The following FRYL variants were observed in gnomAD, a reference collection of about 807,000 sequenced individuals.
FRYL encodes the protein protein furry homolog-like.
Under a neutral mutation model 351.2 loss-of-function variants are expected in FRYL, and 150 were observed. The ratio of observed to expected loss-of-function variants is 0.43; its 90% CI spans 0.37 to 0.49. The LOEUF (loss-of-function observed/expected upper bound fraction) is 0.49, where lower values mean the gene tolerates loss of function less well. Among genes scored for constraint, FRYL ranks in the 20% least tolerant of loss-of-function variants. FRYL has a pLI of 0.00. For missense variants in FRYL, 3,036 were observed against 3,619.3 expected (o/e 0.84, Z 4.13); for synonymous variants, 1,153 against 1,257.1 (o/e 0.92, Z 1.75).
chr4:48,704,267 T>C (rs1448007193), intron 2 of FRYL, among the ~76,000 whole-genome samples: 3 of 151,484 alleles, frequency 2.0e-5, no homozygotes, highest in African/African-American at 7.3e-5. Flanking sequence ...AAATGGACAG[T>C]TGGAAAAAGA....
At chr4:48,755,318 C>A (rs1215538817) in intron 1 of FRYL, among the ~76,000 whole-genome samples, 1 of 152,114 alleles carries the variant, frequency 6.6e-6, no homozygotes, top group African/African-American at 2.4e-5. Context: ...CTAGAAAATT[C>A]ATTTCTTCCA....
At position 48,602,137 on chromosome 4, in the gene FRYL, A is replaced by G. The variant is rs1157069859; in HGVS notation, c.934-16T>C. The G allele has an allele frequency of 1.3e-5, 17 of 1,270,452 alleles. No homozygotes were observed. The highest frequency in any genetic ancestry group is 1.8e-5 in the Non-Finnish European group (16 of 874,290). 78.7% of individuals were successfully genotyped at this position (1,270,452 alleles called of 1,614,324 possible). On this transcript the variant is annotated splice_polypyrimidine_tract_variant and intron_variant, in intron 12 of 63. Coordinates refer to ENST00000358350, the MANE Select transcript of FRYL (RefSeq NM_015030.2). ...GATATAAAGCCTATAGGAGACGGGG[A>G]AAAGACAGAATTAACATTTTTCATC... is the stretch of plus-strand genomic sequence containing the variant.
intron 50 of FRYL, among the ~76,000 whole-genome samples, 171 bp from the exon 51 acceptor site, chr4:48,528,507 ATATT>A (rs1299552679): frequency 2.6e-5 from 4 of 152,142 alleles, no homozygotes; most frequent in African/African-American, 9.7e-5. Context: ...TGATATATAT[ATATT>A]TTTAATCAAG....
chr4:48,513,002 T>C (rs776773086), intron 56 of FRYL, among the ~76,000 whole-genome samples: 1 of 152,154 alleles, frequency 6.6e-6, no homozygotes, highest in Non-Finnish European at 1.5e-5. Context: ...AATGCTTTCA[T>C]TTTCAATGGT....
chr4:48,668,756 G>A (rs536648961), intron 3 of FRYL, among the ~76,000 whole-genome samples: 3 of 152,266 alleles, frequency 2.0e-5, no homozygotes, highest in South Asian at 2.1e-4. Flanking sequence ...TAACCCCAAC[G>A]ATAGTCATAC....
intron 3 of FRYL, among the ~76,000 whole-genome samples, chr4:48,656,069 TATA>T (rs1411215447): frequency 5.9e-5 from 8 of 135,170 alleles, no homozygotes; most frequent in African/African-American, 1.9e-4. Context: ...TTATACATTA[TATA>T]ATTATATATA....
intron 2 of FRYL, among the ~76,000 whole-genome samples, chr4:48,688,146 G>A (rs1447122049): frequency 6.6e-6 from 1 of 152,130 alleles, no homozygotes; most frequent in Admixed American, 6.5e-5. Context: ...ACTAAAGCTA[G>A]AAACCGCACT....
chr4:48,589,909 T>C (rs756556026), intron 17 of FRYL, 32 bp from the exon 18 acceptor site: 13 of 1,547,808 alleles, frequency 8.4e-6, no homozygotes, highest in Middle Eastern at 1.7e-4. Context: ...TTATAAAATA[T>C]CTGAAATTAG....
chr4:48,685,132 C>A, intron 2 of FRYL, among the ~76,000 whole-genome samples: 1 of 152,170 alleles, frequency 6.6e-6, no homozygotes, highest in Non-Finnish European at 1.5e-5. Context: ...AAATTCCAGA[C>A]ATTATAACAT....
chr4:48,619,466 T>G, intron 6 of FRYL, 96 bp from the exon 7 acceptor site: 1 of 620,632 alleles, frequency 1.6e-6, no homozygotes, highest in Non-Finnish European at 2.7e-6. Flanking sequence ...TTTCCTACTA[T>G]GTAAAATGTG....
At chr4:48,574,004 T>C (rs1445842371) in intron 25 of FRYL, among the ~76,000 whole-genome samples, 3 of 152,216 alleles carry the variant, frequency 2.0e-5, no homozygotes, top group Non-Finnish European at 4.4e-5. Flanking sequence ...ACTAAAAATA[T>C]TGCCTCTGTG....
intron 1 of FRYL, among the ~76,000 whole-genome samples, chr4:48,726,219 G>T (rs1385767417): frequency 6.6e-6 from 1 of 152,176 alleles, no homozygotes; most frequent in Non-Finnish European, 1.5e-5. Flanking sequence ...AAAACACGAA[G>T]CAAGTAATCA....
At position 48,593,312 on chromosome 4, in the gene FRYL, C is replaced by T. The variant is rs192337719; in HGVS notation, c.1335+618G>A. On this transcript the variant is annotated intron_variant, in intron 16 of 63. Coordinates refer to ENST00000358350, the MANE Select transcript of FRYL (RefSeq NM_015030.2). ...TGGGCTCATTATAACTTCCAGGAGC[C>T]AGCTGAGCTGACTAACCTGATAAAA... Among the ~76,000 whole-genome samples, 4 of 147,860 alleles carry T rather than the reference C, an allele frequency of 2.7e-5. No individual in the cohort carries two copies. The East Asian group carries it at 8.0e-4, about 29-fold the overall frequency.
At chr4:48,671,477 G>A (rs935200297) in intron 3 of FRYL, among the ~76,000 whole-genome samples, 14 of 151,980 alleles carry the variant, frequency 9.2e-5, no homozygotes, top group Non-Finnish European at 5.9e-5. Flanking sequence ...AAACCAACCT[G>A]GCCAACACGG....
At chr4:48,539,086 A>C (rs930765535) in intron 47 of FRYL, among the ~76,000 whole-genome samples, 1 of 152,200 alleles carries the variant, frequency 6.6e-6, no homozygotes, top group African/African-American at 2.4e-5. Flanking sequence ...TAAAATGTCA[A>C]AATCACATTC....
In FRYL at chr4:48,498,457, TA is replaced by T. The variant is rs957050542; in HGVS notation, c.*964del. 4 of 152,618 alleles carry T rather than the reference TA, an allele frequency of 2.6e-5. No homozygotes were observed. Among genetic ancestry groups the T allele is most frequent in the African/African-American group, 9.7e-5 (4 of 41,450 alleles). The allele number at this position is 152,618 out of a possible 1,614,324, so 9.5% of individuals were successfully genotyped here. On this transcript the variant is annotated 3_prime_UTR_variant, in exon 64 of 64. Transcript: ENST00000358350. Reference sequence around the variant, plus strand: ...TCTACAGTTTCTATATGGAGTAAAATAAGTTAAAACTTTTCTAATGAGAATA... The same window carrying T: ...TCTACAGTTTCTATATGGAGTAAAATAGTTAAAACTTTTCTAATGAGAATA...
intron 13 of FRYL, among the ~76,000 whole-genome samples, chr4:48,597,724 C>T (rs998511825): frequency 2.6e-5 from 4 of 152,090 alleles, no homozygotes; most frequent in African/African-American, 4.8e-5. Context: ...AAACTGTTCT[C>T]ATATGAATGA....
chr4:48,632,055 C>CAAAA (rs71660455), intron 4 of FRYL, among the ~76,000 whole-genome samples: 1 of 22,602 alleles, frequency 4.4e-5, no homozygotes, highest in Non-Finnish European at 7.2e-5. Context: ...CCTGTCTCTC[C>CAAAA]AAAAAAAAAA....
chr4:48,730,299 T>C (rs1368143214), intron 1 of FRYL, among the ~76,000 whole-genome samples: 1 of 152,108 alleles, frequency 6.6e-6, no homozygotes, highest in Non-Finnish European at 1.5e-5. Context: ...GAAACCAAGT[T>C]AGAAAACACT....
Sources: allele counts gnomAD v4.1 joint callset (sites outside exome capture counted in the v4.1 genomes callset), GRCh38; gene constraint gnomAD v4.1.1; transcripts MANE v1.5; gene names NCBI Gene and HGNC (gene_info 2026-07-23, HGNC 2026-07-21).